The following CECR2 variants were observed in gnomAD, a reference collection of about 807,000 sequenced individuals.
CECR2 encodes the protein CECR2 histone acetyl-lysine reader, also known as chromatin remodeling regulator CECR2.
Under a neutral mutation model 154.5 loss-of-function variants are expected in CECR2, and 30 were observed. That is an observed-to-expected ratio of 0.19 (90% CI 0.15 to 0.26). CECR2 has a LOEUF of 0.26. Among genes scored for constraint, CECR2 ranks in the 10% least tolerant of loss-of-function variants. CECR2 has a pLI of 1.00. For synonymous variants in CECR2, 725 were observed against 683.7 expected (o/e 1.06, Z -0.94); for missense variants, 1,743 against 1,829.3 (o/e 0.95, Z 0.86).
chr22:17,453,888 G>T (rs138139437), intron 1 of CECR2, among the ~76,000 whole-genome samples: 1,921 of 152,286 alleles, frequency 0.013, 31 homozygotes, highest in African/African-American at 0.044. Flanking sequence ...TTATGTTCAA[G>T]TGCTATTTCT....
At chr22:17,453,838 T>A (rs958339797) in intron 1 of CECR2, among the ~76,000 whole-genome samples, 2 of 152,234 alleles carry the variant, frequency 1.3e-5, no homozygotes, top group Non-Finnish European at 2.9e-5. Context: ...GTACCCTTTC[T>A]GCAGAAAGTA....
chr22:17,483,196 C>T (rs1423177700), intron 2 of CECR2, among the ~76,000 whole-genome samples: 2 of 152,164 alleles, frequency 1.3e-5, no homozygotes, highest in African/African-American at 4.8e-5. Context: ...TTTTGTCTTC[C>T]TTTTGAACAA....
chr22:17,379,581 G>GGTGTGTGTGTGTGTGT (rs60634016), intron 1 of CECR2, among the ~76,000 whole-genome samples: 28 of 137,902 alleles, frequency 2.0e-4, no homozygotes, highest in South Asian at 2.5e-4. Flanking sequence ...CTACGTTGAA[G>GGTGTGTGTGTGTGTGT]GTGTGTGTGT....
chr22:17,486,453 C>T (rs1200056177), intron 2 of CECR2, among the ~76,000 whole-genome samples: 5 of 152,206 alleles, frequency 3.3e-5, no homozygotes, highest in Non-Finnish European at 5.9e-5. Flanking sequence ...TGACACGCCA[C>T]TGGGGGCGTG....
intron 2 of CECR2, among the ~76,000 whole-genome samples, chr22:17,494,610 C>A (rs957955948): frequency 6.6e-6 from 1 of 152,176 alleles, no homozygotes; most frequent in Non-Finnish European, 1.5e-5. Context: ...TTTGATAAAG[C>A]TGCCATACTC....
At chr22:17,455,040 C>T (rs1446063928) in intron 1 of CECR2, among the ~76,000 whole-genome samples, 1 of 152,148 alleles carries the variant, frequency 6.6e-6, no homozygotes, top group African/African-American at 2.4e-5. Flanking sequence ...CTGTATTTGT[C>T]CCGATTGGCT....
intron 1 of CECR2, among the ~76,000 whole-genome samples, chr22:17,462,518 G>A (rs565456182): frequency 6.6e-6 from 1 of 152,292 alleles, no homozygotes; most frequent in Non-Finnish European, 1.5e-5. Context: ...AAGCAATATT[G>A]TCAGAATTGA....
intron 1 of CECR2, among the ~76,000 whole-genome samples, chr22:17,434,845 G>A (rs1051547577): frequency 3.3e-5 from 5 of 152,134 alleles, no homozygotes; most frequent in African/African-American, 1.2e-4. Flanking sequence ...GTGTTACAGT[G>A]AAAGGATAGT....
At chr22:17,474,055 G>C (rs962745279) in intron 1 of CECR2, among the ~76,000 whole-genome samples, 1 of 152,104 alleles carries the variant, frequency 6.6e-6, no homozygotes, top group Non-Finnish European at 1.5e-5. Flanking sequence ...TACTAACTGG[G>C]GGGGGTTTAT....
In CECR2 at chr22:17,532,580, C is replaced by G. The variant is rs1296788; in HGVS notation, c.1109-4523C>G. Among the ~76,000 whole-genome samples, 600 of 150,836 alleles carry G rather than the reference C, an allele frequency of 4.0e-3. 2 individuals are homozygous for G. Among genetic ancestry groups the G allele is most frequent in the African/African-American group, 0.014 (568 of 41,044 alleles). On this transcript the variant is annotated intron_variant, in intron 9 of 18. Coordinates refer to ENST00000262608, the MANE Select transcript of CECR2 (RefSeq NM_001290047.2). Reference sequence around the variant, plus strand: ...TATTGTAAGGATTTAGTGTCTACAACGAAAAATACATAGGTATGTATACAT... The same window carrying G: ...TATTGTAAGGATTTAGTGTCTACAAGGAAAAATACATAGGTATGTATACAT...
chr22:17,521,684 T>G (rs1355038878), intron 8 of CECR2, among the ~76,000 whole-genome samples: 1 of 152,218 alleles, frequency 6.6e-6, no homozygotes, highest in Non-Finnish European at 1.5e-5. Flanking sequence ...GTAAAAATTT[T>G]CTCCCATTCT....
intron 2 of CECR2, 109 bp downstream of exon 2, chr22:17,477,791 A>G (rs2055234800): frequency 1.3e-6 from 1 of 776,952 alleles, no homozygotes; most frequent in African/African-American, 1.7e-5. Context: ...ATTAGGCATC[A>G]CGGGACACTG....
chr22:17,539,595 G>A (rs6518476), intron 13 of CECR2, among the ~76,000 whole-genome samples: 21,783 of 151,950 alleles, frequency 0.14, 3,080 homozygotes, highest in African/African-American at 0.37. Context: ...CAGCACACCA[G>A]CATGGCACAT....
At chr22:17,441,016 G>A (rs2054577209) in intron 1 of CECR2, among the ~76,000 whole-genome samples, 1 of 152,126 alleles carries the variant, frequency 6.6e-6, no homozygotes, top group Non-Finnish European at 1.5e-5. Context: ...GGAGTGCAGT[G>A]GAGTGATCTC....
intron 1 of CECR2, among the ~76,000 whole-genome samples, chr22:17,446,087 G>C (rs757137898): frequency 6.6e-6 from 1 of 152,094 alleles, no homozygotes; most frequent in Non-Finnish European, 1.5e-5. Context: ...TCACCTAGGA[G>C]CTTGTTTACA....
chr22:17,448,742 A>G (rs188989590), intron 1 of CECR2, among the ~76,000 whole-genome samples: 5 of 152,118 alleles, frequency 3.3e-5, no homozygotes, highest in African/African-American at 7.2e-5. Context: ...GTCACCTTTC[A>G]TCTTGAACTC....
chr22:17,368,949 C>G (rs1226900985), upstream of CECR2, among the ~76,000 whole-genome samples: 1 of 152,134 alleles, frequency 6.6e-6, no homozygotes, highest in Non-Finnish European at 1.5e-5. Context: ...GCGCCGTTCT[C>G]GGCTGGAATA....
intron 1 of CECR2, among the ~76,000 whole-genome samples, chr22:17,457,095 C>T (rs2054865483): frequency 1.3e-5 from 2 of 152,256 alleles, no homozygotes; most frequent in Non-Finnish European, 2.9e-5. Context: ...GGCACTATCT[C>T]TGTTCATCAC....
intron 1 of CECR2, among the ~76,000 whole-genome samples, chr22:17,445,575 T>A (rs1419249689): frequency 1.4e-5 from 2 of 143,272 alleles, no homozygotes; most frequent in African/African-American, 2.8e-5. Flanking sequence ...TTATTATTAT[T>A]ATTATTATTA....
Sources: gnomAD v4.1 joint callset for allele counts (sites outside exome capture counted in the v4.1 genomes callset) on GRCh38, gnomAD v4.1.1 for gene constraint, MANE v1.5 for transcripts, NCBI Gene and HGNC (gene_info 2026-07-23, HGNC 2026-07-21) for gene names.